Variants in PDE7A observed in about 807,000 individuals in gnomAD.
The protein encoded by PDE7A is high affinity 3',5'-cyclic-AMP phosphodiesterase 7A.
A neutral mutation model predicts 64.3 loss-of-function variants in PDE7A; 39 were observed. The observed-to-expected ratio is 0.61, with a 90% CI of 0.47 to 0.79. The LOEUF is 0.79. Ranked by LOEUF, PDE7A falls within the 30% of genes least tolerant of loss-of-function variation. PDE7A has a pLI of 0.00. For missense variants in PDE7A, 470 were observed against 582.8 expected (o/e 0.81, Z 1.99); for synonymous variants, 203 against 206.8 (o/e 0.98, Z 0.16).
intron 3 of PDE7A, among the ~76,000 whole-genome samples, chr8:65,769,000 C>T (rs1418924248): frequency 6.6e-6 from 1 of 152,082 alleles, no homozygotes; most frequent in Non-Finnish European, 1.5e-5. Flanking sequence ...GTAATCCCAG[C>T]ACTTTGGAAG....
intron 3 of PDE7A, among the ~76,000 whole-genome samples, chr8:65,767,473 T>C (rs139953493): frequency 4.6e-5 from 7 of 152,354 alleles, no homozygotes; most frequent in African/African-American, 1.7e-4. Flanking sequence ...AGTCTTTTAT[T>C]AAAACGTTGG....
At chr8:65,752,769 C>T (rs956429337) in intron 3 of PDE7A, among the ~76,000 whole-genome samples, 2 of 152,170 alleles carry the variant, frequency 1.3e-5, no homozygotes, top group Non-Finnish European at 2.9e-5. Flanking sequence ...TAAAATCAGA[C>T]ACTCTAAACT....
At position 65,802,751 on chromosome 8, in the gene PDE7A, T is replaced by G. The variant is rs565624223; in HGVS notation, c.139-19908A>C. Among the ~76,000 whole-genome samples, 29 of 152,354 alleles carry G rather than the reference T, an allele frequency of 1.9e-4. No homozygotes were observed. In the South Asian group the frequency reaches 2.9e-3, roughly 15 times the overall value. ...AAAAATCATCTCTCTTTAACTAGTA[T>G]GATATAGTTCGGATATTTGTCCCTG... On this transcript the variant is annotated intron_variant, in intron 1 of 12. Coordinates refer to ENST00000401827, the MANE Select transcript of PDE7A (RefSeq NM_001242318.3).
intron 1 of PDE7A, among the ~76,000 whole-genome samples, chr8:65,814,590 G>T (rs1181228877): frequency 1.3e-5 from 2 of 150,490 alleles, no homozygotes; most frequent in Non-Finnish European, 3.0e-5. Context: ...ATACGAAGAT[G>T]TCTATCTTTA....
At chr8:65,823,914 G>A (rs1199902881) in intron 1 of PDE7A, among the ~76,000 whole-genome samples, 1 of 152,066 alleles carries the variant, frequency 6.6e-6, no homozygotes, top group Non-Finnish European at 1.5e-5. Flanking sequence ...AAAAGGGAAA[G>A]TTTCCCACAA....
intron 6 of PDE7A, among the ~76,000 whole-genome samples, chr8:65,739,112 C>T (rs1053080920): frequency 7.9e-5 from 12 of 152,192 alleles, no homozygotes; most frequent in South Asian, 2.1e-4. Context: ...TGAACCAGCT[C>T]GGCTAATTGT....
intron 1 of PDE7A, among the ~76,000 whole-genome samples, chr8:65,801,682 G>A (rs533222428): frequency 1.3e-5 from 2 of 152,236 alleles, no homozygotes; most frequent in Admixed American, 1.3e-4. Flanking sequence ...TGTGCAATTT[G>A]ATAACCATCA....
At chr8:65,771,673 G>A (rs929741045) in intron 3 of PDE7A, among the ~76,000 whole-genome samples, 12 of 151,836 alleles carry the variant, frequency 7.9e-5, no homozygotes, top group Non-Finnish European at 1.5e-4. Flanking sequence ...GTAAGAGTTC[G>A]AGACCAGCCT....
chr8:65,750,628 A>T (rs1342347114), intron 3 of PDE7A, among the ~76,000 whole-genome samples: 1 of 152,044 alleles, frequency 6.6e-6, no homozygotes, highest in Non-Finnish European at 1.5e-5. Flanking sequence ...AATTCAATCC[A>T]CTGTGCTCTG....
At chr8:65,720,329 C>T (rs559418178) in intron 12 of PDE7A, 37 of 154,232 alleles carry the variant, frequency 2.4e-4, no homozygotes, top group Admixed American at 1.8e-3. Flanking sequence ...ATCTTTATCA[C>T]ATTTTGATCT....
intron 1 of PDE7A, among the ~76,000 whole-genome samples, chr8:65,798,206 A>ATATATATATATATATTTTTTTTTTT: frequency 2.7e-5 from 2 of 73,834 alleles, no homozygotes; most frequent in African/African-American, 5.8e-5. Flanking sequence ...ATATATATAT[A>ATATATATATATATATTTTTTTTTTT]TTTTTTTTTT....
At chr8:65,817,907 T>C (rs1335901665) in intron 1 of PDE7A, among the ~76,000 whole-genome samples, 1 of 151,906 alleles carries the variant, frequency 6.6e-6, no homozygotes, top group Non-Finnish European at 1.5e-5. Context: ...CGCCTGCCAC[T>C]GCGCCCAGCT....
At chr8:65,754,963 A>G (rs905663227) in intron 3 of PDE7A, among the ~76,000 whole-genome samples, 1 of 151,388 alleles carries the variant, frequency 6.6e-6, no homozygotes, top group Non-Finnish European at 1.5e-5. Context: ...GACTCCCTCA[A>G]AAAAATAAAA....
At chr8:65,798,596 A>G (rs979842953) in intron 1 of PDE7A, among the ~76,000 whole-genome samples, 5 of 152,182 alleles carry the variant, frequency 3.3e-5, no homozygotes, top group African/African-American at 1.2e-4. Flanking sequence ...ACAATAGAAG[A>G]TATACGAATA....
At chr8:65,837,608 C>G (rs1810977305) in intron 1 of PDE7A, among the ~76,000 whole-genome samples, 1 of 152,224 alleles carries the variant, frequency 6.6e-6, no homozygotes, top group African/African-American at 2.4e-5. Context: ...GCAAAGGCGT[C>G]TCATCACTCA....
chr8:65,753,785 T>G (rs1053397786), intron 3 of PDE7A, among the ~76,000 whole-genome samples: 2 of 152,218 alleles, frequency 1.3e-5, no homozygotes, highest in Admixed American at 1.3e-4. Flanking sequence ...CTTCATATAT[T>G]GTGGAAATCC....
chr8:65,751,475 G>T (rs1275309923), intron 3 of PDE7A, among the ~76,000 whole-genome samples: 1 of 147,268 alleles, frequency 6.8e-6, no homozygotes, highest in East Asian at 2.0e-4. Flanking sequence ...CCTTCCTGAG[G>T]TTTTTTTTTT....
intron 7 of PDE7A, among the ~76,000 whole-genome samples, chr8:65,732,272 T>G (rs1234659332): frequency 2.0e-5 from 3 of 152,160 alleles, no homozygotes; most frequent in Non-Finnish European, 2.9e-5. Context: ...ATGCTGGGAT[T>G]ACAGGCGTGA....
At chr8:65,769,179 T>C (rs904176832) in intron 3 of PDE7A, among the ~76,000 whole-genome samples, 1 of 147,306 alleles carries the variant, frequency 6.8e-6, no homozygotes, top group Non-Finnish European at 1.5e-5. Flanking sequence ...ACCAGGGAGT[T>C]GGTGGTTGCA....
Sources: gnomAD v4.1 joint callset for allele counts (sites outside exome capture counted in the v4.1 genomes callset) on GRCh38, gnomAD v4.1.1 for gene constraint, MANE v1.5 for transcripts, NCBI Gene and HGNC (gene_info 2026-07-23, HGNC 2026-07-21) for gene names.